Variants in SYTL2 observed in about 807,000 individuals in gnomAD.
The protein encoded by SYTL2 is synaptotagmin like 2.
A neutral mutation model predicts 198.7 loss-of-function variants in SYTL2; 165 were observed. The ratio of observed to expected loss-of-function variants is 0.83; its 90% CI spans 0.73 to 0.94. The LOEUF is 0.94. Among genes scored for constraint, SYTL2 ranks in the 40% least tolerant of loss-of-function variants. The pLI is 0.00. For synonymous variants in SYTL2, 966 were observed against 917.7 expected (o/e 1.05, Z -0.95); for missense variants, 2,835 against 2,582.8 (o/e 1.10, Z -2.12).
the SYTL2 span, among the ~76,000 whole-genome samples, chr11:85,825,401 A>AT: frequency 0.022 from 3,278 of 151,448 alleles, 112 homozygotes; most frequent in African/African-American, 0.073. Flanking sequence ...AAAAAAAAAA[A>AT]AAAGGACCAT....
chr11:85,782,408 G>C lies in SYTL2; in HGVS notation c.-389-24294C>G, dbSNP rs575865957. Among the ~76,000 whole-genome samples the C allele has an allele frequency of 5.9e-5, 9 of 152,254 alleles. No homozygotes were observed. The South Asian group carries it at 1.9e-3, about 32-fold the overall frequency. ...CCTCCAGACCTGTGATGGGTGGGGG[G>C]GCTGCTGTGAAGGTCTCTGACATGC... is the stretch of plus-strand genomic sequence containing the variant. On this transcript the variant is annotated intron_variant, in intron 1 of 19. Coordinates refer to ENST00000359152, the MANE Select transcript of SYTL2 (RefSeq NM_206927.4).
chr11:85,737,439 A>T (rs17744227), intron 5 of SYTL2, 136 bp downstream of exon 5: 17,496 of 666,008 alleles, frequency 0.026, 332 homozygotes, highest in Admixed American at 0.066. Flanking sequence ...GACTTCTTAA[A>T]ATAGTGAAAA....
intron 1 of SYTL2, among the ~76,000 whole-genome samples, chr11:85,764,216 TA>T (rs2092176901): frequency 6.6e-6 from 1 of 152,234 alleles, no homozygotes; most frequent in African/African-American, 2.4e-5. Context: ...GTTGAGGGGA[TA>T]AAAAACTTTG....
At chr11:85,729,065 T>C (rs911138148) in intron 7 of SYTL2, among the ~76,000 whole-genome samples, 1 of 152,134 alleles carries the variant, frequency 6.6e-6, no homozygotes, top group Non-Finnish European at 1.5e-5. Context: ...ATGCACCCAA[T>C]ACAGGAGCAC....
chr11:85,727,110 C>G lies in SYTL2; in HGVS notation c.2248G>C (p.Glu750Gln). The G allele has an allele frequency of 6.5e-7, 1 of 1,535,758 alleles. No homozygotes were observed. The highest frequency in any genetic ancestry group is 8.7e-7 in the Non-Finnish European group (1 of 1,146,740). The part of the protein sequence containing the change: ...TYILKASLEP[E>Q]NIKSTPGVAN... ...ACCCCAGGTGTTGACTTAATATTCT[C>G]TGGCTCTAAGGAGGCTTTCAGGATA... Residue 750 changes from glutamate to glutamine, a missense_variant, in exon 8 of 20, where the codon GAG becomes CAG. Glu to Gln is a conservative substitution (Grantham distance 29, BLOSUM62 2). Coordinates refer to ENST00000359152, the MANE Select transcript of SYTL2 (RefSeq NM_206927.4).
chr11:85,700,086 T>C lies in SYTL2; in HGVS notation c.6268+429A>G, dbSNP rs1233713471. On this transcript the variant is annotated intron_variant, in intron 17 of 19. Transcript: ENST00000359152. Reference sequence around the variant, plus strand: ...TTTTGGAGAGTGAGGTGAAACCTAATGACTATAAACTAAACTAAAAAAAAA... The same window carrying C: ...TTTTGGAGAGTGAGGTGAAACCTAACGACTATAAACTAAACTAAAAAAAAA... Among the ~76,000 whole-genome samples the C allele has an allele frequency of 2.6e-5, 4 of 151,866 alleles. 1 individual carries two copies. The South Asian group carries it at 8.3e-4, about 32-fold the overall frequency.
At chr11:85,752,833 T>G (rs576731207) in intron 2 of SYTL2, among the ~76,000 whole-genome samples, 11 of 146,536 alleles carry the variant, frequency 7.5e-5, no homozygotes, top group Non-Finnish European at 1.2e-4. Context: ...CCTTGACAAA[T>G]GTTAGTTCCT....
At chr11:85,697,111 G>A (rs2083514882) in intron 18 of SYTL2, among the ~76,000 whole-genome samples, 1 of 152,038 alleles carries the variant, frequency 6.6e-6, no homozygotes, top group Admixed American at 6.5e-5. Context: ...GCTGACTTGA[G>A]CCAAAAAAAT....
intron 2 of SYTL2, among the ~76,000 whole-genome samples, chr11:85,753,156 T>C (rs2091647231): frequency 6.6e-6 from 1 of 151,968 alleles, no homozygotes; most frequent in Admixed American, 6.6e-5. Flanking sequence ...TGCCACCTTT[T>C]GAGTATGTGA....
intron 1 of SYTL2, among the ~76,000 whole-genome samples, chr11:85,774,007 T>C (rs2092407871): frequency 9.9e-6 from 1 of 100,806 alleles, no homozygotes; most frequent in African/African-American, 4.0e-5. Flanking sequence ...AAGGAATAAA[T>C]TATACACTAA....
intron 7 of SYTL2, among the ~76,000 whole-genome samples, chr11:85,730,614 A>G (rs2089707966): frequency 6.6e-6 from 1 of 152,222 alleles, no homozygotes; most frequent in African/African-American, 2.4e-5. Context: ...AAAGCTATTT[A>G]TAACAAACCC....
intron 1 of SYTL2, among the ~76,000 whole-genome samples, chr11:85,784,228 G>A (rs1468550103): frequency 6.6e-6 from 1 of 152,178 alleles, no homozygotes; most frequent in East Asian, 1.9e-4. Context: ...GAATTCAGCT[G>A]AGACTATGCT....
At chr11:85,811,419 A>C (rs1004802646), upstream of SYTL2, among the ~76,000 whole-genome samples, 3 of 152,142 alleles carry the variant, frequency 2.0e-5, no homozygotes, top group African/African-American at 4.8e-5. Context: ...TGTGCAAATA[A>C]AGCAGCACTG....
At chr11:85,718,748 G>A in intron 10 of SYTL2, 42 bp downstream of exon 10, 1 of 1,594,510 alleles carries the variant, frequency 6.3e-7, no homozygotes, top group Non-Finnish European at 8.6e-7. Flanking sequence ...CACCCCAGAA[G>A]TTAATACAAA....
At chr11:85,713,107 A>C (rs2086602457) in intron 12 of SYTL2, among the ~76,000 whole-genome samples, 2 of 152,198 alleles carry the variant, frequency 1.3e-5, no homozygotes, top group Admixed American at 1.3e-4. Context: ...GATTCTTTCC[A>C]AAGGAAACTG....
In SYTL2 at chr11:85,725,826, C is replaced by T; in HGVS notation, c.3532G>A (p.Ala1178Thr). 1 of 1,613,968 alleles carries T rather than the reference C, an allele frequency of 6.2e-7. No homozygotes were observed. Among genetic ancestry groups the T allele is most frequent in the Non-Finnish European group, 8.5e-7 (1 of 1,179,942 alleles). ...NRTWPQKTDF[A>T]DTEEEVKGPE... ...CCTTTGACTTCTTCCTCAGTATCAG[C>T]AAAATCTGTTTTTTGAGGCCATGTC... Residue 1178 changes from alanine to threonine, a missense_variant, in exon 8 of 20, where the codon GCT becomes ACT. Ala to Thr is a moderately conservative substitution (Grantham distance 58). This residue lies in a region of SYTL2 where 2,645 missense variants were observed against 2,381.7 expected (regional missense o/e 1.11). Transcript: ENST00000359152.
rs150816406 is a variant in SYTL2, at chr11:85,712,755, C to T, written c.5626-1523G>A. ...TTTTTCAATTAGAGTCTCACTCTAT[C>T]GCCTAGGCTGGAGTGCAGTGGCACA... On this transcript the variant is annotated intron_variant, in intron 12 of 19. Transcript: ENST00000359152. Among the ~76,000 whole-genome samples the T allele has an allele frequency of 5.3e-5, 8 of 152,046 alleles. No individual in the cohort carries two copies. In the East Asian group the frequency reaches 7.8e-4, roughly 15 times the overall value.
At chr11:85,791,031 G>T (rs1056532787) in intron 1 of SYTL2, among the ~76,000 whole-genome samples, 11 of 151,584 alleles carry the variant, frequency 7.3e-5, no homozygotes, top group Non-Finnish European at 1.5e-4. Flanking sequence ...GCCGGGCATG[G>T]TGATGCACAC....
chr11:85,747,252 C>T (rs943990262), intron 3 of SYTL2, among the ~76,000 whole-genome samples: 36 of 150,800 alleles, frequency 2.4e-4, no homozygotes, highest in African/African-American at 8.3e-4. Context: ...GCCAGTAGTT[C>T]GAGACCAGCC....
Sources: allele counts gnomAD v4.1 joint callset (sites outside exome capture counted in the v4.1 genomes callset), GRCh38; gene constraint gnomAD v4.1.1; regional missense constraint gnomAD v4.1.1; transcripts MANE v1.5; gene names NCBI Gene and HGNC (gene_info 2026-07-23, HGNC 2026-07-21).